Variants in PTPRD observed in about 807,000 individuals in gnomAD.
The protein encoded by PTPRD is receptor-type tyrosine-protein phosphatase delta.
A neutral mutation model predicts 214.5 loss-of-function variants in PTPRD; 34 were observed. That is an observed-to-expected ratio of 0.16 (90% CI 0.12 to 0.21). The LOEUF is 0.21. Ranked by LOEUF, PTPRD falls within the 10% of genes least tolerant of loss-of-function variation. The pLI is 1.00. For synonymous variants in PTPRD, 1,128 were observed against 845.7 expected, an observed-to-expected ratio of 1.33 and a Z score of -5.79; for missense variants, 2,545 against 2,398.7, an observed-to-expected ratio of 1.06 and a Z score of -1.27.
At chr9:10,247,778 C>T (rs974468302) in intron 3 of PTPRD, among the ~76,000 whole-genome samples, 6 of 151,898 alleles carry the variant, frequency 4.0e-5, no homozygotes, top group African/African-American at 1.5e-4. Context: ...GGATTATGTC[C>T]CTGATGGTAG....
At chr9:8,766,525 A>T (rs549098248) in intron 11 of PTPRD, among the ~76,000 whole-genome samples, 100 of 152,314 alleles carry the variant, frequency 6.6e-4, no homozygotes, top group African/African-American at 2.2e-3. Flanking sequence ...TCAAATAGAA[A>T]ATTAATAATT....
intron 9 of PTPRD, among the ~76,000 whole-genome samples, chr9:9,331,948 T>G (rs1368559047): frequency 6.6e-6 from 1 of 151,836 alleles, no homozygotes; most frequent in Non-Finnish European, 1.5e-5. Context: ...TGACCTAGAG[T>G]TGTTGCTTGA....
intron 5 of PTPRD, among the ~76,000 whole-genome samples, chr9:9,830,619 C>A (rs10816201): frequency 0.1 from 15,210 of 151,874 alleles, 2,314 homozygotes; most frequent in East Asian, 0.75. Context: ...TCATGTACTG[C>A]AGCTAGCACC....
At chr9:9,138,101 G>C (rs1234870231) in intron 10 of PTPRD, among the ~76,000 whole-genome samples, 2 of 152,028 alleles carry the variant, frequency 1.3e-5, no homozygotes, top group Admixed American at 6.6e-5. Flanking sequence ...TGATAGACCA[G>C]AGCAGATGAA....
intron 2 of PTPRD, among the ~76,000 whole-genome samples, chr9:10,534,960 A>G (rs888032118): frequency 2.0e-5 from 3 of 152,124 alleles, no homozygotes; most frequent in African/African-American, 7.2e-5. Flanking sequence ...AGCCCACTTC[A>G]GTTTATGTAG....
At chr9:10,035,087 C>T (rs118115504) in intron 3 of PTPRD, among the ~76,000 whole-genome samples, 4,319 of 152,228 alleles carry the variant, frequency 0.028, 123 homozygotes, top group Admixed American at 0.088. Context: ...ATAAGCATTC[C>T]TTTTTCTCCA....
chr9:8,478,223 T>C (rs1049890626), intron 30 of PTPRD, among the ~76,000 whole-genome samples: 1 of 152,162 alleles, frequency 6.6e-6, no homozygotes, highest in African/African-American at 2.4e-5. Flanking sequence ...CAAAGTACTA[T>C]ACAAATTTAA....
intron 11 of PTPRD, among the ~76,000 whole-genome samples, chr9:8,778,490 C>T (rs1032624889): frequency 1.3e-5 from 2 of 152,162 alleles, no homozygotes; most frequent in Non-Finnish European, 2.9e-5. Flanking sequence ...AGCTGCGAAT[C>T]TGCCCAACAC....
chr9:9,812,393 G>GAA (rs879727195), intron 5 of PTPRD, among the ~76,000 whole-genome samples: 2 of 145,282 alleles, frequency 1.4e-5, no homozygotes, highest in African/African-American at 2.5e-5. Flanking sequence ...TAGTGGATTT[G>GAA]AAAAAAAAAA....
At chr9:10,481,427 C>T (rs549720447) in intron 2 of PTPRD, among the ~76,000 whole-genome samples, 8 of 151,978 alleles carry the variant, frequency 5.3e-5, no homozygotes, top group East Asian at 1.9e-4. Context: ...TAGATATCAC[C>T]GACTCAGAAA....
intron 8 of PTPRD, among the ~76,000 whole-genome samples, chr9:9,502,378 C>A (rs149690022): frequency 1.3e-5 from 2 of 151,742 alleles, no homozygotes; most frequent in South Asian, 4.1e-4. Flanking sequence ...GATTATCTTT[C>A]TGTATCTGGT....
At chr9:10,113,122 G>A (rs576049484) in intron 3 of PTPRD, among the ~76,000 whole-genome samples, 11 of 152,274 alleles carry the variant, frequency 7.2e-5, no homozygotes, top group South Asian at 2.1e-4. Flanking sequence ...TGTCAGCAGC[G>A]TTTTGAGAGG....
intron 11 of PTPRD, among the ~76,000 whole-genome samples, chr9:9,004,656 C>A (rs2099448441): frequency 6.6e-6 from 1 of 151,974 alleles, no homozygotes. Flanking sequence ...ATGATATAAC[C>A]ACCCTGCAAA....
At chr9:8,775,959 C>T (rs939701559) in intron 11 of PTPRD, among the ~76,000 whole-genome samples, 2 of 152,014 alleles carry the variant, frequency 1.3e-5, no homozygotes, top group African/African-American at 4.8e-5. Flanking sequence ...TAACTCCTAG[C>T]AGTAGGTAAA....
intron 21 of PTPRD, among the ~76,000 whole-genome samples, chr9:8,516,271 C>T (rs1592525282): frequency 6.6e-6 from 1 of 151,946 alleles, no homozygotes; most frequent in East Asian, 1.9e-4. Context: ...ATTACTACAG[C>T]AAATAAATAC....
At chr9:9,089,115 G>T (rs940988643) in intron 10 of PTPRD, among the ~76,000 whole-genome samples, 26 of 152,114 alleles carry the variant, frequency 1.7e-4, no homozygotes, top group African/African-American at 6.0e-4. Context: ...TAATGTGGCT[G>T]TGTTTAAGTG....
intron 12 of PTPRD, among the ~76,000 whole-genome samples, chr9:8,693,091 G>A (rs930209652): frequency 6.6e-6 from 1 of 152,152 alleles, no homozygotes; most frequent in Non-Finnish European, 1.5e-5. Flanking sequence ...GGCCTATGTG[G>A]TATTATGCGC....
chr9:10,407,932 C>T (rs2098390901), intron 2 of PTPRD, among the ~76,000 whole-genome samples: 1 of 151,292 alleles, frequency 6.6e-6, no homozygotes, highest in Admixed American at 6.6e-5. Context: ...CATGGGGAAA[C>T]TTTTGGAAGA....
intron 5 of PTPRD, among the ~76,000 whole-genome samples, chr9:9,839,511 C>T (rs1379596582): frequency 2.6e-5 from 4 of 152,026 alleles, no homozygotes; most frequent in Non-Finnish European, 5.9e-5. Flanking sequence ...TGAAGGACCT[C>T]TTCAAGGAGA....
Sources: gnomAD v4.1 joint callset for allele counts (sites outside exome capture counted in the v4.1 genomes callset) on GRCh38, gnomAD v4.1.1 for gene constraint, MANE v1.5 for transcripts, NCBI Gene and HGNC (gene_info 2026-07-23, HGNC 2026-07-21) for gene names.